TMEM132D: variants seen among roughly 807,000 people sequenced by gnomAD.
The protein encoded by TMEM132D is transmembrane protein 132D.
TMEM132D carries 21 observed loss-of-function variants against 62.3 expected under a neutral mutation model. The observed-to-expected ratio is 0.34, with a 90% CI of 0.24 to 0.49. TMEM132D has a LOEUF of 0.49. Ranked by LOEUF, TMEM132D falls within the 20% of genes least tolerant of loss-of-function variation. The pLI, the probability that TMEM132D is intolerant of heterozygous loss-of-function variation, is 0.99. For missense variants in TMEM132D, 1,346 were observed against 1,402.8 expected, an observed-to-expected ratio of 0.96 and a Z score of 0.65; for synonymous variants, 621 against 575.6, an observed-to-expected ratio of 1.08 and a Z score of -1.13.
At chr12:129,242,394 GCTTTA>G (rs1593308724) in intron 4 of TMEM132D, among the ~76,000 whole-genome samples, 2 of 152,276 alleles carry the variant, frequency 1.3e-5, no homozygotes, top group East Asian at 3.9e-4. Context: ...TAGACCTTTT[GCTTTA>G]AAGTCTGATT....
At chr12:129,842,635 A>AT (rs1873232282) in intron 1 of TMEM132D, among the ~76,000 whole-genome samples, 1 of 151,566 alleles carries the variant, frequency 6.6e-6, no homozygotes, top group Non-Finnish European at 1.5e-5. Context: ...TGCCCAGCTT[A>AT]TTTTTTAATT....
intron 1 of TMEM132D, among the ~76,000 whole-genome samples, chr12:129,721,466 G>T (rs1353650232): frequency 6.6e-6 from 1 of 152,164 alleles, no homozygotes; most frequent in Non-Finnish European, 1.5e-5. Flanking sequence ...TGCCCAGAAC[G>T]GGGAAGCTTC....
rs188000487 is a variant in TMEM132D, at chr12:129,089,296, T to C, written c.1444-4594A>G. ...ATGTCCTCCATGACCGGGTGTCCTC[T>C]ATGACCGGGTGTCCTCCATGACCGG... is the stretch of plus-strand genomic sequence containing the variant. On this transcript the variant is annotated intron_variant, in intron 5 of 8. Coordinates refer to ENST00000422113, the MANE Select transcript of TMEM132D (RefSeq NM_133448.3). 7.2e-4 allele frequency among the ~76,000 whole-genome samples: 21 copies of C among 29,218 alleles called. 4 individuals carry two copies. The highest frequency in any genetic ancestry group is 1.8e-3 in the African/African-American group (7 of 3,792). 19.2% of individuals were successfully genotyped at this position (29,218 alleles called of 152,430 possible). A position where few individuals can be genotyped will look rare whatever the true frequency, so the allele number is the denominator to read the frequency against.
At chr12:129,488,960 CA>C (rs763170568) in intron 3 of TMEM132D, among the ~76,000 whole-genome samples, 11 of 152,274 alleles carry the variant, frequency 7.2e-5, no homozygotes, top group Non-Finnish European at 1.3e-4. Context: ...AGAGCAGCGG[CA>C]GTTCATGGGC....
At chr12:129,482,767 T>C (rs916315498) in intron 3 of TMEM132D, among the ~76,000 whole-genome samples, 1 of 151,478 alleles carries the variant, frequency 6.6e-6, no homozygotes, top group Admixed American at 6.6e-5. Flanking sequence ...AAATACAACA[T>C]CTTTTTTTTT....
rs146423118 is a variant in TMEM132D, at chr12:129,704,459, G to T, written c.80-3761C>A. Among the ~76,000 whole-genome samples the T allele has an allele frequency of 9.2e-5, 14 of 152,354 alleles. No individual in the cohort carries two copies. In the East Asian group the frequency reaches 2.3e-3, roughly 25 times the overall value. ...ACAGAAAGCCCTAAAACATCAAGGCGTCTTGCTGATGCTGTTCTTCCCTAA... is the reference window on the plus strand; with the variant it reads ...ACAGAAAGCCCTAAAACATCAAGGCTTCTTGCTGATGCTGTTCTTCCCTAA... On this transcript the variant is annotated intron_variant, in intron 1 of 8. Coordinates refer to ENST00000422113, the MANE Select transcript of TMEM132D (RefSeq NM_133448.3).
chr12:129,412,620 G>A (rs915570449), intron 3 of TMEM132D, among the ~76,000 whole-genome samples: 1 of 152,170 alleles, frequency 6.6e-6, no homozygotes, highest in Non-Finnish European at 1.5e-5. Context: ...ACTTCAGGAG[G>A]CCAAGGTGGG....
intron 2 of TMEM132D, among the ~76,000 whole-genome samples, chr12:129,656,046 C>G (rs1880065031): frequency 6.6e-6 from 1 of 152,188 alleles, no homozygotes; most frequent in Non-Finnish European, 1.5e-5. Context: ...TTATCTTAAG[C>G]AATAGATTTC....
chr12:129,850,821 G>A (rs2137352722), intron 1 of TMEM132D, among the ~76,000 whole-genome samples: 1 of 152,280 alleles, frequency 6.6e-6, no homozygotes, highest in East Asian at 1.9e-4. Context: ...TTTATGCAAT[G>A]CCACACACAC....
chr12:129,644,244 C>G (rs776700842), intron 2 of TMEM132D, among the ~76,000 whole-genome samples: 1 of 152,190 alleles, frequency 6.6e-6, no homozygotes, highest in Admixed American at 6.5e-5. Context: ...GGCTGTGTCA[C>G]GGGCATGCAC....
chr12:129,123,329 GTTGA>G (rs1044933577), intron 5 of TMEM132D, among the ~76,000 whole-genome samples: 1 of 151,976 alleles, frequency 6.6e-6, no homozygotes, highest in African/African-American at 2.4e-5. Flanking sequence ...GTAATTAGTT[GTTGA>G]TTTTTTTTTC....
intron 2 of TMEM132D, among the ~76,000 whole-genome samples, chr12:129,675,900 T>C (rs1323595626): frequency 6.6e-6 from 1 of 152,194 alleles, no homozygotes; most frequent in Non-Finnish European, 1.5e-5. Flanking sequence ...TCCATGACCA[T>C]GAGTGAAAAA....
intron 3 of TMEM132D, among the ~76,000 whole-genome samples, chr12:129,435,895 C>T (rs899819902): frequency 6.6e-6 from 1 of 152,180 alleles, no homozygotes. Context: ...TTACTCTGAT[C>T]AGCCAAAAAC....
intron 4 of TMEM132D, among the ~76,000 whole-genome samples, chr12:129,280,018 C>A (rs1331773761): frequency 6.6e-6 from 1 of 152,132 alleles, no homozygotes; most frequent in East Asian, 1.9e-4. Flanking sequence ...GAAAATTAGC[C>A]TCAAGACAAT....
chr12:129,086,128 T>G (rs1020490588), intron 5 of TMEM132D: 1 of 152,330 alleles, frequency 6.6e-6, no homozygotes, highest in African/African-American at 2.4e-5. Flanking sequence ...CATGATGTTT[T>G]GATCTACATG....
intron 5 of TMEM132D, among the ~76,000 whole-genome samples, chr12:129,105,892 T>C (rs2135640123): frequency 6.6e-6 from 1 of 151,212 alleles, no homozygotes; most frequent in Non-Finnish European, 1.5e-5. Flanking sequence ...AGAAATACCA[T>C]TTGACCCAGC....
chr12:129,759,924 G>A (rs74682251), intron 1 of TMEM132D, among the ~76,000 whole-genome samples: 2 of 143,180 alleles, frequency 1.4e-5, no homozygotes, highest in African/African-American at 5.1e-5. Context: ...TTTTTTTTTT[G>A]AGACAGGGTC....
chr12:129,461,686 G>A (rs912714838), intron 3 of TMEM132D, among the ~76,000 whole-genome samples: 2 of 120,848 alleles, frequency 1.7e-5, no homozygotes, highest in Admixed American at 1.2e-4. Context: ...AGTGATAGGT[G>A]ATTGAAAGAT....
chr12:129,415,168 T>A (rs185128989), intron 3 of TMEM132D, among the ~76,000 whole-genome samples: 32 of 152,342 alleles, frequency 2.1e-4, no homozygotes, highest in African/African-American at 7.5e-4. Flanking sequence ...GCTGATTTTA[T>A]CTCCTTTGGA....
Sources: gnomAD v4.1 joint callset for allele counts (sites outside exome capture counted in the v4.1 genomes callset) on GRCh38, gnomAD v4.1.1 for gene constraint, MANE v1.5 for transcripts, NCBI Gene and HGNC (gene_info 2026-07-23, HGNC 2026-07-21) for gene names.